KIAA0513: variants seen among roughly 807,000 people sequenced by gnomAD.
KIAA0513 encodes the protein uncharacterized protein KIAA0513.
Under a neutral mutation model 56.5 loss-of-function variants are expected in KIAA0513, and 39 were observed. That is an observed-to-expected ratio of 0.69 (90% CI 0.53 to 0.90). The LOEUF (loss-of-function observed/expected upper bound fraction) is 0.90, where lower values mean the gene tolerates loss of function less well. KIAA0513 is among the 40% of genes least tolerant of loss of function. The pLI is 0.00. For missense variants in KIAA0513, 591 were observed against 535.2 expected (o/e 1.10, Z -1.03); for synonymous variants, 268 against 215.6 (o/e 1.24, Z -2.13).
Position 85,071,765 on chromosome 16 carries a change from C to CTTTTTTT in KIAA0513, c.330-9_330-3dup. 1 of 1,206,504 alleles carries CTTTTTTT rather than the reference C, an allele frequency of 8.3e-7. No homozygotes were observed. Among genetic ancestry groups the CTTTTTTT allele is most frequent in the Non-Finnish European group, 1.1e-6 (1 of 889,466 alleles). 74.7% of individuals were successfully genotyped at this position (1,206,504 alleles called of 1,614,324 possible). A position where few individuals can be genotyped will look rare whatever the true frequency, so the allele number is the denominator to read the frequency against. ...GGGTTTTTTTTTTTTTTCCTCTGCT[C>CTTTTTTT]TTTTTTTTTTTTTTTAGGGAGGACT... On this transcript the variant is annotated splice_polypyrimidine_tract_variant and intron_variant, in intron 2 of 12. Transcript: ENST00000683363.
chr16:85,055,681 AC>A (rs2073318476), intron 1 of KIAA0513, among the ~76,000 whole-genome samples: 1 of 152,064 alleles, frequency 6.6e-6, no homozygotes, highest in Non-Finnish European at 1.5e-5. Context: ...TGGATATCTT[AC>A]TTAATCTGTT....
At position 85,035,063 on chromosome 16, in the gene KIAA0513, C is replaced by T. The variant is rs186302872; in HGVS notation, c.-173+7205C>T. ...TCCCCAGGCCGAGCCGTCAGGTACC[C>T]TGCTTCCTCTCAGCCCTCTGATTTC... is the stretch of plus-strand genomic sequence containing the variant. On this transcript the variant is annotated intron_variant, in intron 1 of 12. Transcript: ENST00000683363. 2.3e-3 allele frequency among the ~76,000 whole-genome samples: 347 copies of T among 152,352 alleles called. 3 individuals are homozygous for T. The Middle Eastern group carries it at 0.024, about 10-fold the overall frequency.
intron 1 of KIAA0513, among the ~76,000 whole-genome samples, chr16:85,055,405 C>G (rs1424357088): frequency 6.6e-6 from 1 of 152,212 alleles, no homozygotes; most frequent in Non-Finnish European, 1.5e-5. Flanking sequence ...TACAATATTT[C>G]TAAATCCATG....
At chr16:85,047,137 C>T (rs533762875) in intron 1 of KIAA0513, among the ~76,000 whole-genome samples, 13 of 152,324 alleles carry the variant, frequency 8.5e-5, no homozygotes, top group African/African-American at 3.1e-4. Context: ...TACCATTCTG[C>T]TGTGGGTTTT....
Position 85,081,793 on chromosome 16 carries a change from C to T in KIAA0513, c.980+401C>T, listed in dbSNP as rs1302964626. Among the ~76,000 whole-genome samples, 5 of 152,192 alleles carry T rather than the reference C, an allele frequency of 3.3e-5. No individual in the cohort carries two copies. The highest frequency in any genetic ancestry group is 1.2e-4 in the African/African-American group (5 of 41,454). ...CCCCGAGACTGCCCTCGAGAGCTGGCGCCTGGGGAATGCAGTTGCCGCTCG... is the reference window on the plus strand; with the variant it reads ...CCCCGAGACTGCCCTCGAGAGCTGGTGCCTGGGGAATGCAGTTGCCGCTCG... On this transcript the variant is annotated intron_variant, in intron 9 of 12. Transcript: ENST00000683363. The surrounding 1 kb of genome is among the most constrained non-coding windows in gnomAD (Gnocchi z 4.4).
intron 1 of KIAA0513, among the ~76,000 whole-genome samples, chr16:85,051,608 A>G (rs534407549): frequency 2.0e-4 from 30 of 152,194 alleles, no homozygotes; most frequent in Non-Finnish European, 2.9e-5. Flanking sequence ...ACATAGAATC[A>G]TACTCTCTAC....
At chr16:85,062,195 C>T (rs2073415552) in intron 1 of KIAA0513, among the ~76,000 whole-genome samples, 1 of 146,558 alleles carries the variant, frequency 6.8e-6, no homozygotes, top group Admixed American at 6.9e-5. Context: ...CTCTCCCTGC[C>T]CCTGGTACGT....
intron 2 of KIAA0513, among the ~76,000 whole-genome samples, chr16:85,067,957 C>G (rs1018431921): frequency 6.7e-6 from 1 of 150,366 alleles, no homozygotes; most frequent in Non-Finnish European, 1.5e-5. Context: ...ACTATAAGCA[C>G]CCACCACCAC....
chr16:85,082,649 C>T, intron 10 of KIAA0513, 56 bp downstream of exon 10: 3 of 1,566,698 alleles, frequency 1.9e-6, no homozygotes, highest in Non-Finnish European at 2.6e-6. Flanking sequence ...CTGCGAAGGC[C>T]ACTGCAGGGT....
chr16:85,083,944 CT>C (rs1386774292), intron 10 of KIAA0513, among the ~76,000 whole-genome samples: 1 of 152,202 alleles, frequency 6.6e-6, no homozygotes, highest in East Asian at 1.9e-4. Flanking sequence ...GAAGGTTTCC[CT>C]CTCAGCAGGC....
At chr16:85,041,610 C>G (rs1222380910) in intron 1 of KIAA0513, among the ~76,000 whole-genome samples, 1 of 152,150 alleles carries the variant, frequency 6.6e-6, no homozygotes, top group Admixed American at 6.5e-5. Flanking sequence ...AAAGTAACAC[C>G]TTTTGTCTCG....
chr16:85,057,434 C>G (rs1003011164), intron 1 of KIAA0513, among the ~76,000 whole-genome samples: 2 of 152,210 alleles, frequency 1.3e-5, no homozygotes, highest in African/African-American at 4.8e-5. Context: ...TGGCTGGACT[C>G]TGCAACTGAC....
chr16:85,074,335 TACAC>T (rs1169016390), intron 4 of KIAA0513, among the ~76,000 whole-genome samples: 22 of 130,878 alleles, frequency 1.7e-4, no homozygotes, highest in Admixed American at 8.7e-4. Context: ...CACGTATATA[TACAC>T]ACATACACAC....
chr16:85,065,636 C>T (rs939502814), intron 1 of KIAA0513, among the ~76,000 whole-genome samples: 4 of 152,226 alleles, frequency 2.6e-5, no homozygotes, highest in Admixed American at 2.6e-4. Context: ...TTGAATTGTC[C>T]TCTGAAGATG....
chr16:85,033,857 T>C (rs1163281886), intron 1 of KIAA0513, among the ~76,000 whole-genome samples: 1 of 152,176 alleles, frequency 6.6e-6, no homozygotes, highest in East Asian at 1.9e-4. Flanking sequence ...AAAGATGTCG[T>C]AGTTTGTCTC....
At chr16:85,077,715 G>T (rs1043422714) in intron 6 of KIAA0513, 83 bp downstream of exon 6, 84 of 1,033,690 alleles carry the variant, frequency 8.1e-5, no homozygotes, top group Non-Finnish European at 1.1e-4. Context: ...CAGCAGGGAG[G>T]GTGCGGGTGA....
intron 1 of KIAA0513, among the ~76,000 whole-genome samples, chr16:85,052,009 A>G (rs1177637223): frequency 6.6e-6 from 1 of 151,344 alleles, no homozygotes; most frequent in Non-Finnish European, 1.5e-5. Context: ...ATGCCTTTGC[A>G]AGGTTGTTAT....
At chr16:85,069,386 C>G (rs149492285) in intron 2 of KIAA0513, among the ~76,000 whole-genome samples, 74 of 152,140 alleles carry the variant, frequency 4.9e-4, no homozygotes, top group African/African-American at 1.6e-3. Flanking sequence ...GCAGCTGATT[C>G]AGAAGCAGCT....
At position 85,074,580 on chromosome 16, in the gene KIAA0513, G is replaced by A. The variant is rs1193812284; in HGVS notation, c.504-1264G>A. Among the ~76,000 whole-genome samples, 6 of 152,286 alleles carry A rather than the reference G, an allele frequency of 3.9e-5. 1 individual carries two copies. Among genetic ancestry groups the A allele is most frequent in the Admixed American group, 3.3e-4 (5 of 15,296 alleles). ...TACTGGAAGAAGACCAACAAAAGGA[G>A]TATCCCTATTTTTCCTGCTCTTGCT... On this transcript the variant is annotated intron_variant, in intron 4 of 12. Coordinates refer to ENST00000683363, the MANE Select transcript of KIAA0513 (RefSeq NM_001388359.1).
Sources: gnomAD v4.1 joint callset for allele counts (sites outside exome capture counted in the v4.1 genomes callset) on GRCh38, gnomAD v4.1.1 for gene constraint, Gnocchi (gnomAD v3.1) non-coding constraint, MANE v1.5 for transcripts, NCBI Gene and HGNC (gene_info 2026-07-23, HGNC 2026-07-21) for gene names.